FAN1: variants seen among roughly 807,000 people sequenced by gnomAD.
The protein encoded by FAN1 is FANCD2 and FANCI associated nuclease 1.
A neutral mutation model predicts 104.9 loss-of-function variants in FAN1; 91 were observed. The observed-to-expected ratio is 0.87, with a 90% confidence interval of 0.73 to 1.03. FAN1 has a LOEUF of 1.03. Ranked by LOEUF, FAN1 falls within the 50% of genes least tolerant of loss-of-function variation. The probability of loss-of-function intolerance (pLI) is 0.00; values close to 1 mark genes in which losing one functional copy is unlikely to be tolerated. For missense variants in FAN1, 1,263 were observed against 1,239.9 expected (o/e 1.02, Z -0.28); for synonymous variants, 478 against 457.6 (o/e 1.04, Z -0.57).
At chr15:30,907,050 ACTG>A (rs1288832132) in intron 2 of FAN1, among the ~76,000 whole-genome samples, 1 of 150,286 alleles carries the variant, frequency 6.7e-6, no homozygotes, top group Admixed American at 6.6e-5. Context: ...AGAAATAATT[ACTG>A]CTAATTGTTT....
chr15:30,918,115 T>TA lies in FAN1; in HGVS notation c.1812-48dup, dbSNP rs776930263. Reference sequence around the variant, plus strand: ...TCTAGTGGCTAGGATGTGGTCATTCTATGGGAATGCTCATTCTTATTTGGA... The same window carrying TA: ...TCTAGTGGCTAGGATGTGGTCATTCTAATGGGAATGCTCATTCTTATTTGGA... On this transcript the variant is annotated intron_variant, in intron 5 of 14. Transcript: ENST00000362065. The TA allele has an allele frequency of 5.0e-6, 8 of 1,605,680 alleles. No individual in the cohort carries two copies. The African/African-American group carries it at 8.0e-5, about 16-fold the overall frequency.
At position 30,941,715 on chromosome 15, in the gene FAN1, G is replaced by A. The variant is rs773347604; in HGVS notation, c.*153G>A. 48 of 1,613,842 alleles carry A rather than the reference G, an allele frequency of 3.0e-5. No individual in the cohort carries two copies. The highest frequency in any genetic ancestry group is 5.0e-5 in the Admixed American group (3 of 60,004). On this transcript the variant is annotated 3_prime_UTR_variant, in exon 15 of 15. Transcript: ENST00000362065. ...TCCAGGGGGCCACTGCGCTGTTGCCGCAGCATCCTGCTCAGTACGTCGACT... is the reference window on the plus strand; with the variant it reads ...TCCAGGGGGCCACTGCGCTGTTGCCACAGCATCCTGCTCAGTACGTCGACT...
intron 13 of FAN1, among the ~76,000 whole-genome samples, chr15:30,933,727 C>T (rs2062775252): frequency 6.8e-6 from 1 of 147,032 alleles, no homozygotes; most frequent in Non-Finnish European, 1.5e-5. Flanking sequence ...ATTGATATCT[C>T]TGATTATAAT....
At chr15:30,938,252 G>A (rs775453487) in intron 14 of FAN1, among the ~76,000 whole-genome samples, 15 of 152,176 alleles carry the variant, frequency 9.9e-5, no homozygotes, top group Admixed American at 3.3e-4. Flanking sequence ...ATGGGAAACC[G>A]AGATTCTTGA....
chr15:30,904,695 AAAG>A lies in FAN1; in HGVS notation c.33_35del (p.Arg12del). On this transcript the variant is annotated inframe_deletion, in exon 2 of 15. Transcript: ENST00000362065. ...TCAGAAGGGAAACCTCCTGACAAAAAAAGGCCTCGTAGAAGCTTATCAATCAGC... is the reference window on the plus strand; with the variant it reads ...TCAGAAGGGAAACCTCCTGACAAAAAGCCTCGTAGAAGCTTATCAATCAGC... 1.2e-6 allele frequency: 2 copies of A among 1,605,326 alleles called. No homozygotes were observed. The highest frequency in any genetic ancestry group is 2.2e-5 in the South Asian group (2 of 90,190).
Position 30,904,952 on chromosome 15 carries a change from G to T in FAN1, c.289G>T (p.Val97Leu), listed in dbSNP as rs375827355. ...VDLTSVTLED[V>L]TPKKSPPPKT... ...TTTAACCAGTGTTACCTTAGAAGAT[G>T]TAACACCTAAGAAGTCACCACCACC... is the stretch of plus-strand genomic sequence containing the variant. The change falls in exon 2 of 15, where the codon GTA (valine) becomes TTA (leucine). Residue 97 changes from valine to leucine, a missense_variant. Physicochemically the swap from Val to Leu is conservative, Grantham distance 32 (BLOSUM62 1). Around this residue, in one of 2 missense-constraint regions of FAN1, gnomAD observed 682 missense variants for 571.1 expected, o/e 1.19. Coordinates refer to ENST00000362065, the MANE Select transcript of FAN1 (RefSeq NM_014967.5). The T allele has an allele frequency of 2.5e-6, 4 of 1,613,876 alleles. No individual in the cohort carries two copies. The African/African-American group carries it at 5.3e-5, about 22-fold the overall frequency.
Position 30,910,786 on chromosome 15 carries a change from G to A in FAN1, c.1548G>A (p.Lys516=), listed in dbSNP as rs1463919319. 1 of 1,613,944 alleles carries A rather than the reference G, an allele frequency of 6.2e-7. No individual in the cohort carries two copies. Reference sequence around the variant, plus strand: ...CAGTCTGCACTTGGGGCAAGAATAAGCCTGGAATTGGTGCAGTGATTTTAA... The same window carrying A: ...CAGTCTGCACTTGGGGCAAGAATAAACCTGGAATTGGTGCAGTGATTTTAA... The part of the protein sequence containing the change: ...QRSVCTWGKN[K]PGIGAVILKR... Residue 516 remains lysine, a synonymous_variant, in exon 4 of 15, where the codon AAG becomes AAA. Coordinates refer to ENST00000362065, the MANE Select transcript of FAN1 (RefSeq NM_014967.5).
Position 30,905,835 on chromosome 15 carries a change from A to G in FAN1, c.1172A>G (p.Asp391Gly), listed in dbSNP as rs2140898360. The change falls in exon 2 of 15, where the codon GAT becomes GGT. Residue 391 changes from aspartate (D) to glycine (G), a missense_variant. Transcript: ENST00000362065. Reference protein sequence around the residue: ...VVLKTVLENEDDMLLFDEQEK... With the variant: ...VVLKTVLENEGDMLLFDEQEK... ...CTGAAAACCGTACTTGAGAATGAAG[A>G]TGATATGTTGCTCTTTGATGAGCAG... 1.2e-6 allele frequency: 2 copies of G among 1,614,106 alleles called. No homozygotes were observed. Among genetic ancestry groups the G allele is most frequent in the Non-Finnish European group, 1.7e-6 (2 of 1,179,970 alleles).
chr15:30,913,868 T>C lies in FAN1; in HGVS notation c.1588T>C (p.Leu530=), dbSNP rs1420172009. The change falls in exon 5 of 15, where the codon TTG becomes CTG. Residue 530 remains leucine, a synonymous_variant. Transcript: ENST00000362065. ...TTGTACATTTTTCAGAGCCAAAGCC[T>C]TGGCTGGACAGTCAGTACGAATCTG... ...GAVILKRAKA[L]AGQSVRICKG... is the part of the protein sequence containing the mutation. 3.1e-6 allele frequency: 5 copies of C among 1,608,834 alleles called. No homozygotes were observed. Among genetic ancestry groups the C allele is most frequent in the Non-Finnish European group, 4.2e-6 (5 of 1,177,402 alleles).
chr15:30,924,908 C>T lies in FAN1; in HGVS notation c.2173-219C>T, dbSNP rs2955776. Among the ~76,000 whole-genome samples the T allele has an allele frequency of 0.39, 58,683 of 152,136 alleles. 13,012 individuals are homozygous for T. Among genetic ancestry groups the T allele is most frequent in the East Asian group, 0.8 (4,124 of 5,176 alleles). On this transcript the variant is annotated intron_variant, in intron 8 of 14. Transcript: ENST00000362065. ...GTCCACCTGGATTACAGCCCGGTCACGCTCCAGCACGTTGACTGTGAAGGC... is the reference window on the plus strand; with the variant it reads ...GTCCACCTGGATTACAGCCCGGTCATGCTCCAGCACGTTGACTGTGAAGGC...
chr15:30,926,467 GAC>G (rs3052635), intron 10 of FAN1: 3,139 of 232,380 alleles, frequency 0.014, 94 homozygotes, highest in African/African-American at 0.069. Flanking sequence ...TGAAAATCAG[GAC>G]ATGATTTCAG....
intron 14 of FAN1, chr15:30,939,459 C>T: frequency 1.0e-6 from 1 of 985,436 alleles, no homozygotes; most frequent in South Asian, 4.7e-5. Flanking sequence ...CGACTGAAGG[C>T]TGTCATAGTT....
At chr15:30,924,754 G>C (rs1240519415) in intron 8 of FAN1, among the ~76,000 whole-genome samples, 2 of 151,864 alleles carry the variant, frequency 1.3e-5, no homozygotes, top group African/African-American at 4.8e-5. Flanking sequence ...GTGGATCCGG[G>C]GTGGGACACA....
At chr15:30,932,782 A>G (rs1354312279) in intron 13 of FAN1, among the ~76,000 whole-genome samples, 1 of 143,004 alleles carries the variant, frequency 7.0e-6, no homozygotes, top group Non-Finnish European at 1.5e-5. Flanking sequence ...AGCGTGAGTT[A>G]GCTCACTGCA....
rs746677293 is a variant in FAN1 at position 30,908,252 on chromosome 15, C to T, written c.1369C>T (p.Gln457Ter). 24 of 1,603,012 alleles carry T rather than the reference C, an allele frequency of 1.5e-5. No homozygotes were observed. The South Asian group carries it at 2.6e-4, about 18-fold the overall frequency. Residue 457 changes from glutamine to a stop codon, truncating the protein, a stop_gained, in exon 3 of 15, where the codon CAG becomes TAG. Coordinates refer to ENST00000362065, the MANE Select transcript of FAN1 (RefSeq NM_014967.5). LOFTEE classifies it high-confidence loss of function. The part of the protein sequence containing the change: ...IEELTNAGFL[Q>*]TESELQELSE... ...AGAATTGACGAATGCAGGCTTTCTA[C>T]AGACAGGTATGACTAGTAGAAGGAG... is the stretch of plus-strand genomic sequence containing the variant.
chr15:30,908,595 C>T (rs2062033049), intron 3 of FAN1, among the ~76,000 whole-genome samples: 1 of 152,146 alleles, frequency 6.6e-6, no homozygotes, highest in Non-Finnish European at 1.5e-5. Flanking sequence ...CCTGTAATCC[C>T]AGCACTTTGG....
Position 30,925,912 on chromosome 15 carries a change from C to T in FAN1, c.2461C>T (p.His821Tyr), listed in dbSNP as rs2062450676. 2 of 1,614,106 alleles carry T rather than the reference C, an allele frequency of 1.2e-6. No individual in the cohort carries two copies. Among genetic ancestry groups the T allele is most frequent in the South Asian group, 1.1e-5 (1 of 91,084 alleles). ...LCSVEELALA[H>Y]YRRSGFDQGI... ...CTCTGTGGAGGAGCTGGCACTGGCC[C>T]ATTACAGACGCAGCGGTTTTGACCA... is the stretch of plus-strand genomic sequence containing the variant. The change falls in exon 10 of 15, where the codon CAT (histidine) becomes TAT (tyrosine). Residue 821 changes from histidine to tyrosine, a missense_variant. Around this residue, in one of 2 missense-constraint regions of FAN1, gnomAD observed 581 missense variants for 668.8 expected, o/e 0.87. Transcript: ENST00000362065.
Position 30,905,667 on chromosome 15 carries a change from A to C in FAN1, c.1004A>C (p.Asn335Thr). The C allele has an allele frequency of 6.2e-7, 1 of 1,614,072 alleles. No homozygotes were observed. The highest frequency in any genetic ancestry group is 1.7e-5 in the Admixed American group (1 of 60,016). ...SSADDASAWSNIQEAPLQDDS... is the reference protein window; with the variant it reads ...SSADDASAWSTIQEAPLQDDS... The stretch of plus-strand genomic sequence containing the variant: ...GCAGATGATGCTTCTGCATGGAGTA[A>C]CATCCAAGAGGCTCCTCTGCAGGAT... Residue 335 changes from asparagine (N) to threonine (T), a missense_variant, in exon 2 of 15, where the codon AAC becomes ACC. Asn to Thr is a moderately conservative substitution (Grantham distance 65). Coordinates refer to ENST00000362065, the MANE Select transcript of FAN1 (RefSeq NM_014967.5).
chr15:30,909,104 A>G (rs2062043015), intron 3 of FAN1, among the ~76,000 whole-genome samples: 1 of 152,042 alleles, frequency 6.6e-6, no homozygotes, highest in Non-Finnish European at 1.5e-5. Flanking sequence ...TTGTCTTGTC[A>G]GTAGCATTCG....
Sources: allele counts gnomAD v4.1 joint callset (sites outside exome capture counted in the v4.1 genomes callset), GRCh38; gene constraint gnomAD v4.1.1; regional missense constraint gnomAD v4.1.1; transcripts MANE v1.5; gene names NCBI Gene and HGNC (gene_info 2026-07-23, HGNC 2026-07-21).